ABCB8: variants seen among roughly 807,000 people sequenced by gnomAD.
The protein encoded by ABCB8 is mitochondrial potassium channel ATP-binding subunit.
Under a neutral mutation model 73.0 loss-of-function variants are expected in ABCB8, and 52 were observed. The observed-to-expected ratio is 0.71, with a 90% CI of 0.57 to 0.90. The LOEUF is 0.90. Ranked by LOEUF, ABCB8 falls within the 40% of genes least tolerant of loss-of-function variation. The pLI is 0.00. For missense variants in ABCB8, 909 were observed against 974.6 expected (o/e 0.93, Z 0.90); for synonymous variants, 428 against 423.5 (o/e 1.01, Z -0.13).
chr7:151,033,619 A>G lies in ABCB8; in HGVS notation c.110A>G (p.Tyr37Cys). Reference protein sequence around the residue: ...TFSAVRYSDGYRSSSLLRAVA... With the variant: ...TFSAVRYSDGCRSSSLLRAVA... ...TCTCCTTACAGGTACTCTGATGGCT[A>G]CCGCAGCTCCTCCCTCCTCCGGGCC... is the stretch of plus-strand genomic sequence containing the variant. Residue 37 changes from tyrosine (Y) to cysteine (C), a missense_variant, in exon 2 of 16, where the codon TAC (tyrosine) becomes TGC (cysteine). Physicochemically the swap from Tyr to Cys is radical, Grantham distance 194. Transcript: ENST00000358849. The G allele has an allele frequency of 6.3e-7, 1 of 1,579,466 alleles. No homozygotes were observed.
At chr7:151,042,233 CAGGGAAGACG>C in intron 14 of ABCB8, 125 bp downstream of exon 14, 1 of 1,407,432 alleles carries the variant, frequency 7.1e-7, no homozygotes, top group Non-Finnish European at 9.7e-7. Flanking sequence ...ACAGTTGTGT[CAGGGAAGACG>C]AGAACCACAG....
chr7:151,036,448 G>C lies in ABCB8; in HGVS notation c.1112-96G>C, dbSNP rs886799782. ...AAGCCAACGCTGGGACCAGTCATGC[G>C]CCTCACCTGACTCTCCCAGTCAGCA... On this transcript the variant is annotated intron_variant, in intron 8 of 15. Coordinates refer to ENST00000358849, the MANE Select transcript of ABCB8 (RefSeq NM_007188.5). 1.5e-5 allele frequency: 17 copies of C among 1,162,898 alleles called. No individual in the cohort carries two copies. In the South Asian group the frequency reaches 2.1e-4, roughly 14 times the overall value. 72.0% of individuals were successfully genotyped at this position (1,162,898 alleles called of 1,614,324 possible). A position where few individuals can be genotyped will look rare whatever the true frequency, so the allele number is the denominator to read the frequency against.
chr7:151,038,637 G>A (rs1365727262), intron 9 of ABCB8: 1 of 151,988 alleles, frequency 6.6e-6, no homozygotes, highest in African/African-American at 2.4e-5. Context: ...CTCCCGCTTC[G>A]GGACCCCCAC....
intron 9 of ABCB8, 40 bp downstream of exon 9, chr7:151,036,689 C>A: frequency 6.6e-7 from 1 of 1,518,008 alleles, no homozygotes; most frequent in Non-Finnish European, 9.0e-7. Flanking sequence ...AGCCCCCTGC[C>A]GCCCTCCAGA....
chr7:151,037,498 C>T (rs1157987122), intron 9 of ABCB8: 1 of 604,178 alleles, frequency 1.7e-6, no homozygotes, highest in Non-Finnish European at 3.0e-6. Context: ...CGGGCCTCCC[C>T]CCTCCTATCT....
At chr7:151,045,125 G>C (rs997603715) in intron 15 of ABCB8, 84 bp from the exon 16 acceptor site, 3 of 1,421,120 alleles carry the variant, frequency 2.1e-6, no homozygotes, top group African/African-American at 3.0e-5. Context: ...GGGCCCAATG[G>C]CTGATAGAGA....
intron 1 of ABCB8, chr7:151,029,003 A>G: frequency 2.5e-6 from 3 of 1,213,248 alleles, no homozygotes; most frequent in Non-Finnish European, 3.2e-6. Flanking sequence ...TCGAAGAAGA[A>G]CTAGAGATGT....
intron 2 of ABCB8, 38 bp from the exon 3 acceptor site, chr7:151,034,235 C>A (rs773940688): frequency 1.9e-6 from 3 of 1,582,014 alleles, no homozygotes; most frequent in South Asian, 2.3e-5. Flanking sequence ...GTGGCTCCCC[C>A]ACTTAAAACA....
rs572985460 is a variant in ABCB8, at chr7:151,032,299, G to A, written c.96-1306G>A. ...TTGTGCCTCTGATTTCCAGTTAACT[G>A]TGAGTCTCCCGCACTCAAGCATGAC... On this transcript the variant is annotated intron_variant, in intron 1 of 15. Coordinates refer to ENST00000358849, the MANE Select transcript of ABCB8 (RefSeq NM_007188.5). 3.3e-5 allele frequency among the ~76,000 whole-genome samples: 5 copies of A among 152,292 alleles called. No individual in the cohort carries two copies. The South Asian group carries it at 1.0e-3, about 32-fold the overall frequency.
In ABCB8 at chr7:151,045,651, C is replaced by T; in HGVS notation, c.*302C>T. 1 of 311,656 alleles carries T rather than the reference C, an allele frequency of 3.2e-6. No homozygotes were observed. The highest frequency in any genetic ancestry group is 5.1e-5 in the Admixed American group (1 of 19,758). The allele number at this position is 311,656 out of a possible 1,614,324, so 19.3% of individuals were successfully genotyped here. Reference sequence around the variant, plus strand: ...ACTCTATTCTCCCTTTGCCCAGACCCCTCCAGACCTCTCAAGAGACGTTCT... The same window carrying T: ...ACTCTATTCTCCCTTTGCCCAGACCTCTCCAGACCTCTCAAGAGACGTTCT... On this transcript the variant is annotated 3_prime_UTR_variant, in exon 16 of 16. Coordinates refer to ENST00000358849, the MANE Select transcript of ABCB8 (RefSeq NM_007188.5).
Sources: allele counts gnomAD v4.1 joint callset (sites outside exome capture counted in the v4.1 genomes callset), GRCh38; gene constraint gnomAD v4.1.1; transcripts MANE v1.5; gene names NCBI Gene and HGNC (gene_info 2026-07-23, HGNC 2026-07-21).